The following PIBF1 variants were observed in gnomAD, a reference collection of about 807,000 sequenced individuals.
PIBF1 encodes the protein progesterone immunomodulatory binding factor 1.
Under a neutral mutation model 112.5 loss-of-function variants are expected in PIBF1, and 90 were observed. That is an observed-to-expected ratio of 0.80 (90% CI 0.67 to 0.95). The LOEUF (loss-of-function observed/expected upper bound fraction) is 0.95, where lower values mean the gene tolerates loss of function less well. Ranked by LOEUF, PIBF1 falls within the 40% of genes least tolerant of loss-of-function variation. PIBF1 has a pLI of 0.00. For synonymous variants in PIBF1, 301 were observed against 288.6 expected, an observed-to-expected ratio of 1.04 and a Z score of -0.44; for missense variants, 915 against 852.3, an observed-to-expected ratio of 1.07 and a Z score of -0.92.
At chr13:72,956,968 C>A (rs544548805) in intron 14 of PIBF1, among the ~76,000 whole-genome samples, 9 of 152,276 alleles carry the variant, frequency 5.9e-5, no homozygotes, top group African/African-American at 1.9e-4. Context: ...AAAGTGATAC[C>A]ACCTCACTCC....
At position 72,827,029 on chromosome 13, in the gene PIBF1, CA is replaced by C. The variant is rs1441497021; in HGVS notation, c.827del (p.Gln276ArgfsTer3). ...TAACAGTGAACGTGATGCACTTGAACAGGAAGTAATTGAGCTTAGGAGAAAA... is the reference window on the plus strand; with the variant it reads ...TAACAGTGAACGTGATGCACTTGAACGGAAGTAATTGAGCTTAGGAGAAAA... The part of the protein sequence containing the change: ...KVKSERDALE[Q>X]EVIELRRKHE... On this transcript the variant is annotated frameshift_variant, in exon 7 of 18. Transcript: ENST00000326291. LOFTEE classifies it high-confidence loss of function. 1 of 1,595,964 alleles carries C rather than the reference CA, an allele frequency of 6.3e-7. No individual in the cohort carries two copies. The highest frequency in any genetic ancestry group is 1.8e-5 in the Admixed American group (1 of 56,684).
At chr13:72,904,904 A>C (rs943319662) in intron 11 of PIBF1, among the ~76,000 whole-genome samples, 2 of 151,966 alleles carry the variant, frequency 1.3e-5, no homozygotes, top group African/African-American at 2.4e-5. Flanking sequence ...AATACACCAT[A>C]AAGGGGGGTT....
At chr13:72,889,716 C>A (rs2039985175) in intron 10 of PIBF1, among the ~76,000 whole-genome samples, 1 of 152,128 alleles carries the variant, frequency 6.6e-6, no homozygotes, top group African/African-American at 2.4e-5. Context: ...AATGCTTTGC[C>A]TCAGCTGCTG....
At chr13:72,964,816 A>C (rs1162051616) in intron 14 of PIBF1, among the ~76,000 whole-genome samples, 3 of 152,148 alleles carry the variant, frequency 2.0e-5, no homozygotes, top group Non-Finnish European at 4.4e-5. Context: ...TAGTCCCCGC[A>C]CTTTGGGAGG....
At chr13:72,877,182 T>G (rs991316279) in intron 10 of PIBF1, among the ~76,000 whole-genome samples, 1 of 152,170 alleles carries the variant, frequency 6.6e-6, no homozygotes, top group Non-Finnish European at 1.5e-5. Context: ...ATGGATCACA[T>G]TAATTGATTT....
chr13:72,832,488 T>C (rs1026923479), intron 8 of PIBF1, among the ~76,000 whole-genome samples: 3 of 152,218 alleles, frequency 2.0e-5, no homozygotes, highest in African/African-American at 7.2e-5. Flanking sequence ...CAGGATTTGC[T>C]TGTCTGTAAA....
At chr13:72,899,609 A>G (rs946270959) in intron 11 of PIBF1, among the ~76,000 whole-genome samples, 2 of 152,004 alleles carry the variant, frequency 1.3e-5, no homozygotes, top group Non-Finnish European at 2.9e-5. Context: ...ATACCTTAAC[A>G]TCATAAAAGC....
intron 8 of PIBF1, among the ~76,000 whole-genome samples, chr13:72,833,730 G>A (rs929891519): frequency 6.6e-6 from 1 of 152,110 alleles, no homozygotes; most frequent in Non-Finnish European, 1.5e-5. Context: ...CGGGGGTCAG[G>A]GACCCACTTG....
intron 10 of PIBF1, among the ~76,000 whole-genome samples, chr13:72,878,012 G>C (rs1033538774): frequency 2.0e-5 from 3 of 151,956 alleles, no homozygotes; most frequent in Admixed American, 6.6e-5. Flanking sequence ...GCCTCCCAAA[G>C]TGCTGGGATT....
intron 5 of PIBF1, among the ~76,000 whole-genome samples, chr13:72,806,257 G>A (rs1404869874): frequency 6.6e-6 from 1 of 151,956 alleles, no homozygotes; most frequent in Non-Finnish European, 1.5e-5. Context: ...CTATGATTTT[G>A]ATTAGTTTAG....
intron 8 of PIBF1, among the ~76,000 whole-genome samples, chr13:72,829,598 G>T (rs146252004): frequency 0.015 from 2,267 of 152,266 alleles, 63 homozygotes; most frequent in African/African-American, 0.051. Flanking sequence ...TAGATGTGTG[G>T]TGTTATTTCT....
At chr13:72,846,538 T>C (rs2037887586) in intron 9 of PIBF1, among the ~76,000 whole-genome samples, 2 of 152,184 alleles carry the variant, frequency 1.3e-5, no homozygotes. Flanking sequence ...CTTTAAATGA[T>C]TACAGTGGCC....
At position 72,812,351 on chromosome 13, in the gene PIBF1, A is replaced by G. The variant is rs574584891; in HGVS notation, c.673-9498A>G. ...GGTTCATCTGAATGAATAATTTATA[A>G]TAGAGTACTATCACTATGATGTCAT... On this transcript the variant is annotated intron_variant, in intron 5 of 17. Transcript: ENST00000326291. Among the ~76,000 whole-genome samples, 13 of 152,306 alleles carry G rather than the reference A, an allele frequency of 8.5e-5. No homozygotes were observed. The South Asian group carries it at 1.9e-3, about 22-fold the overall frequency.
chr13:72,795,791 G>A (rs1018775740), intron 4 of PIBF1, among the ~76,000 whole-genome samples: 3 of 152,088 alleles, frequency 2.0e-5, no homozygotes, highest in Non-Finnish European at 2.9e-5. Flanking sequence ...ATGAATTATC[G>A]TAAACTGGTG....
intron 9 of PIBF1, among the ~76,000 whole-genome samples, chr13:72,838,959 G>T (rs371633700): frequency 5.3e-5 from 8 of 152,210 alleles, no homozygotes; most frequent in South Asian, 2.1e-4. Flanking sequence ...AGACTGAGAG[G>T]CAGGGAGTTA....
At chr13:72,958,138 A>G (rs1284258828) in intron 14 of PIBF1, among the ~76,000 whole-genome samples, 6 of 151,622 alleles carry the variant, frequency 4.0e-5, no homozygotes, top group African/African-American at 1.5e-4. Flanking sequence ...AAAAAGAATC[A>G]CGTAAGATTC....
At position 72,787,714 on chromosome 13, in the gene PIBF1, A is replaced by G. The variant is rs549827598; in HGVS notation, c.252+3993A>G. Among the ~76,000 whole-genome samples, 7 of 152,204 alleles carry G rather than the reference A, an allele frequency of 4.6e-5. No homozygotes were observed. In the South Asian group the frequency reaches 1.2e-3, roughly 27 times the overall value. On this transcript the variant is annotated intron_variant, in intron 2 of 17. Transcript: ENST00000326291. ...CACTCTGTTGCCCAGGCTGGAGTGC[A>G]GTGGCATGATCTCAGCTCACTACAA...
At chr13:72,812,951 C>CA (rs926286507) in intron 5 of PIBF1, among the ~76,000 whole-genome samples, 19 of 150,590 alleles carry the variant, frequency 1.3e-4, no homozygotes, top group African/African-American at 3.4e-4. Flanking sequence ...GACTCCGCCT[C>CA]AAAAAAAAGA....
chr13:72,897,725 T>G (rs2138594142), intron 11 of PIBF1, among the ~76,000 whole-genome samples: 1 of 152,276 alleles, frequency 6.6e-6, no homozygotes, highest in East Asian at 1.9e-4. Flanking sequence ...AAGAGGGACA[T>G]TATATAATGG....
Sources: gnomAD v4.1 joint callset for allele counts (sites outside exome capture counted in the v4.1 genomes callset) on GRCh38, gnomAD v4.1.1 for gene constraint, MANE v1.5 for transcripts, NCBI Gene and HGNC (gene_info 2026-07-23, HGNC 2026-07-21) for gene names.